Variants in NRG1 observed in about 807,000 individuals in gnomAD.
NRG1 encodes pro-neuregulin-1, membrane-bound isoform.
Under a neutral mutation model 63.8 loss-of-function variants are expected in NRG1, and 18 were observed. The ratio of observed to expected loss-of-function variants is 0.28; its 90% confidence interval spans 0.19 to 0.42. NRG1 has a LOEUF of 0.42. Among genes scored for constraint, NRG1 ranks in the 10% least tolerant of loss-of-function variants. NRG1 has a pLI of 1.00. For synonymous variants in NRG1, 302 were observed against 301.3 expected (o/e 1.00, Z -0.02); for missense variants, 762 against 814.7 (o/e 0.94, Z 0.79).
intron 1 of NRG1, among the ~76,000 whole-genome samples, chr8:31,921,709 T>C (rs951737563): frequency 2.0e-5 from 3 of 152,186 alleles, no homozygotes; most frequent in Admixed American, 6.5e-5. Context: ...CTGTGGAAAC[T>C]ATATTTGGCA....
chr8:32,409,368 A>C lies in NRG1; in HGVS notation c.38-186460A>C, dbSNP rs564968076. Among the ~76,000 whole-genome samples the C allele has an allele frequency of 1.8e-4, 27 of 152,344 alleles. No homozygotes were observed. In the South Asian group the frequency reaches 5.2e-3, roughly 29 times the overall value. The stretch of plus-strand genomic sequence containing the variant: ...GGAAGGAATTCATTACTAAGACCCC[A>C]AAAGCAAGCAAATGCAACAAAAGCA... On this transcript the variant is annotated intron_variant, in intron 1 of 10. Transcript: ENST00000519301.
intron 1 of NRG1, among the ~76,000 whole-genome samples, chr8:31,885,269 G>A (rs929886360): frequency 5.3e-5 from 8 of 151,992 alleles, no homozygotes; most frequent in Non-Finnish European, 2.9e-5. Flanking sequence ...GGATGGTTGT[G>A]GAAATAACAG....
At chr8:32,388,549 C>T (rs114462878) in intron 1 of NRG1, among the ~76,000 whole-genome samples, 1,932 of 152,154 alleles carry the variant, frequency 0.013, 41 homozygotes, top group African/African-American at 0.039. Context: ...GTGTAGTTGC[C>T]GCCTCAGGCT....
At chr8:32,019,733 AT>A (rs1816139102) in intron 1 of NRG1, among the ~76,000 whole-genome samples, 1 of 152,134 alleles carries the variant, frequency 6.6e-6, no homozygotes, top group Non-Finnish European at 1.5e-5. Context: ...CAAGGTTTTT[AT>A]TTCCACACAG....
At chr8:31,981,044 G>A (rs1234140009) in intron 1 of NRG1, among the ~76,000 whole-genome samples, 1 of 151,850 alleles carries the variant, frequency 6.6e-6, no homozygotes, top group Non-Finnish European at 1.5e-5. Flanking sequence ...TTTATGTCTT[G>A]GTTTAGAAAT....
At chr8:32,213,953 C>T (rs1013019762) in intron 1 of NRG1, among the ~76,000 whole-genome samples, 10 of 152,072 alleles carry the variant, frequency 6.6e-5, no homozygotes, top group Non-Finnish European at 7.4e-5. Context: ...GACAAAGGAA[C>T]GAACTTTGAG....
At chr8:32,634,601 G>T (rs886789072) in intron 5 of NRG1, among the ~76,000 whole-genome samples, 11 of 152,132 alleles carry the variant, frequency 7.2e-5, no homozygotes, top group African/African-American at 2.4e-4. Flanking sequence ...AAATAAATCT[G>T]TCCAAAGTAG....
intron 1 of NRG1, among the ~76,000 whole-genome samples, chr8:32,305,462 A>G (rs1017381980): frequency 6.6e-6 from 1 of 152,176 alleles, no homozygotes; most frequent in African/African-American, 2.4e-5. Context: ...CTACTTTCTT[A>G]CTCTCAAAAG....
In NRG1 at chr8:31,707,845, A is replaced by G. The variant is rs933534407; in HGVS notation, c.37+68414A>G. 2.2e-4 allele frequency among the ~76,000 whole-genome samples: 34 copies of G among 152,142 alleles called. 2 individuals carry two copies. The highest frequency in any genetic ancestry group is 6.5e-5 in the Admixed American group (1 of 15,272). On this transcript the variant is annotated intron_variant, in intron 1 of 10. Coordinates refer to the NRG1 transcript ENST00000519301. ...TTTTATCTTCCAGGTGTATAATCATAGCTTCTGTAGTAAATAATTCCTTTG... is the reference window on the plus strand; with the variant it reads ...TTTTATCTTCCAGGTGTATAATCATGGCTTCTGTAGTAAATAATTCCTTTG...
At position 32,745,675 on chromosome 8, in the gene NRG1, G is replaced by GTGTGT. The variant is rs1554661332; in HGVS notation, c.691+2942_691+2943insTGTGT. On this transcript the variant is annotated intron_variant, in intron 7 of 11. Coordinates refer to ENST00000356819, the Ensembl canonical transcript of NRG1. ...GTTCATCGATATGTGGTGTGTGGGG[G>GTGTGT]GTGTGTGTGTGTTCGTGTGTGTGTC... Among the ~76,000 whole-genome samples the GTGTGT allele has an allele frequency of 1.1e-4, 16 of 151,296 alleles. 1 individual carries two copies. In the South Asian group the frequency reaches 3.1e-3, roughly 30 times the overall value.
intron 1 of NRG1, among the ~76,000 whole-genome samples, chr8:31,935,652 T>A (rs2081598671): frequency 6.6e-6 from 1 of 151,986 alleles, no homozygotes; most frequent in Non-Finnish European, 1.5e-5. Context: ...GAAGCAGGAG[T>A]GGAACCTCCA....
intron 1 of NRG1, among the ~76,000 whole-genome samples, chr8:32,078,773 T>C (rs1240217963): frequency 6.6e-6 from 1 of 152,192 alleles, no homozygotes; most frequent in Non-Finnish European, 1.5e-5. Context: ...TCCTGATAGA[T>C]ATAACCTCCC....
Position 31,640,307 on chromosome 8 carries a change from C to T in NRG1, c.37+876C>T, listed in dbSNP as rs1803616108. 1.7e-6 allele frequency: 2 copies of T among 1,148,220 alleles called. No individual in the cohort carries two copies. Among genetic ancestry groups the T allele is most frequent in the Non-Finnish European group, 1.1e-6 (1 of 935,344 alleles). 71.1% of individuals were successfully genotyped at this position (1,148,220 alleles called of 1,614,324 possible). A position where few individuals can be genotyped will look rare whatever the true frequency, so the allele number is the denominator to read the frequency against. ...AAGGCGGCGGCGGCGGCGGGCGAGG[C>T]AGGGGCGTGGGGCGGCGATCGCGAG... On this transcript the variant is annotated intron_variant, in intron 1 of 10. Transcript: ENST00000519301. This position sits in a 1 kb window ranked among gnomAD's most constrained non-coding sequence, Gnocchi z 6.3.
At chr8:31,671,732 A>T (rs1036664825) in intron 1 of NRG1, among the ~76,000 whole-genome samples, 1 of 152,150 alleles carries the variant, frequency 6.6e-6, no homozygotes, top group Non-Finnish European at 1.5e-5. Flanking sequence ...TTTTCGTGGG[A>T]CATAAGTAAG....
chr8:32,345,546 T>C (rs7843923), intron 1 of NRG1, among the ~76,000 whole-genome samples: 78,645 of 151,978 alleles, frequency 0.52, 21,265 homozygotes, highest in Non-Finnish European at 0.61. Flanking sequence ...AAAAAGACCC[T>C]CTTCTCCCAG....
chr8:32,102,616 C>G lies in NRG1; in HGVS notation c.37+463185C>G, dbSNP rs556930534. On this transcript the variant is annotated intron_variant, in intron 1 of 10. Coordinates refer to the NRG1 transcript ENST00000519301. The stretch of plus-strand genomic sequence containing the variant: ...ATAGAAAAGAATTGATGTGCATTAT[C>G]TCTGTGCTCCCTGTTAGGGGCACCT... Among the ~76,000 whole-genome samples the G allele has an allele frequency of 5.9e-5, 9 of 152,164 alleles. No individual in the cohort carries two copies. In the South Asian group the frequency reaches 1.2e-3, roughly 21 times the overall value.
chr8:32,447,797 A>C (rs1820451413), intron 1 of NRG1, among the ~76,000 whole-genome samples: 1 of 151,610 alleles, frequency 6.6e-6, no homozygotes, highest in South Asian at 2.1e-4. Flanking sequence ...CACTTGAACC[A>C]GGGAGGTCAA....
intron 1 of NRG1, among the ~76,000 whole-genome samples, chr8:31,756,505 A>G (rs1586177843): frequency 1.3e-5 from 2 of 152,224 alleles, no homozygotes; most frequent in East Asian, 3.9e-4. Flanking sequence ...CTGTCTGCCC[A>G]TCATGGAAAG....
intron 1 of NRG1, among the ~76,000 whole-genome samples, chr8:31,740,622 A>G (rs889120620): frequency 6.6e-6 from 1 of 151,834 alleles, no homozygotes; most frequent in African/African-American, 2.4e-5. Context: ...TCCCTTCTCC[A>G]TGAAGGTAAC....
Sources: gnomAD v4.1 joint callset for allele counts (sites outside exome capture counted in the v4.1 genomes callset) on GRCh38, gnomAD v4.1.1 for gene constraint, Gnocchi (gnomAD v3.1) non-coding constraint, MANE v1.5 for transcripts, NCBI Gene and HGNC (gene_info 2026-07-23, HGNC 2026-07-21) for gene names.